AHRR: variants seen among roughly 807,000 people sequenced by gnomAD.
AHRR encodes the protein aryl hydrocarbon receptor repressor, also known as ahR repressor.
Under a neutral mutation model 44.0 loss-of-function variants are expected in AHRR, and 28 were observed. The observed-to-expected ratio is 0.64, with a 90% CI of 0.47 to 0.87. AHRR has a LOEUF of 0.87. Among genes scored for constraint, AHRR ranks in the 40% least tolerant of loss-of-function variants. The pLI, the probability that AHRR is intolerant of heterozygous loss-of-function variation, is 0.00. For synonymous variants in AHRR, 434 were observed against 407.0 expected (o/e 1.07, Z -0.80); for missense variants, 990 against 953.9 (o/e 1.04, Z -0.50).
intron 2 of AHRR, among the ~76,000 whole-genome samples, chr5:345,338 G>GA (rs1210731519): frequency 1.8e-4 from 2 of 11,014 alleles, no homozygotes; most frequent in African/African-American, 3.4e-4. Context: ...GTGTGGGGAT[G>GA]TGTGTGTGTG....
At chr5:376,206 G>C (rs1038186118) in intron 3 of AHRR, among the ~76,000 whole-genome samples, 3 of 140,522 alleles carry the variant, frequency 2.1e-5, no homozygotes, top group African/African-American at 8.9e-5. Context: ...GGGAGGGGCC[G>C]TAGGGACCTC....
rs202003342 is a variant in AHRR, at chr5:376,690, G to A, written c.325G>A (p.Val109Met). ...GDSCPLAGSA[V>M]LEGRLLLESL... is the part of the protein sequence containing the mutation. ...CAGCTGTCCTCTTGCAGGGTCTGCC[G>A]TGCTGGAGGGAAGGCTGCTGTTGGA... Residue 109 changes from valine to methionine, a missense_variant, in exon 4 of 11, where the codon GTG (valine) becomes ATG (methionine). Physicochemically the swap from Val to Met is conservative, Grantham distance 21 (BLOSUM62 1). Coordinates refer to ENST00000684583, the MANE Select transcript of AHRR (RefSeq NM_001377236.1). 242 of 1,609,440 alleles carry A rather than the reference G, an allele frequency of 1.5e-4. No homozygotes were observed. Among genetic ancestry groups the A allele is most frequent in the African/African-American group, 3.2e-4 (24 of 75,006 alleles).
rs751845559 is a variant in AHRR at position 360,846 on chromosome 5, T to A, written c.244+6935T>A. 6.8e-4 allele frequency among the ~76,000 whole-genome samples: 103 copies of A among 152,318 alleles called. 1 individual carries two copies. Among genetic ancestry groups the A allele is most frequent in the African/African-American group, 2.3e-3 (97 of 41,586 alleles). On this transcript the variant is annotated intron_variant, in intron 3 of 10. Coordinates refer to ENST00000684583, the MANE Select transcript of AHRR (RefSeq NM_001377236.1). The stretch of plus-strand genomic sequence containing the variant: ...AAGTGTTGAAACCCTTGCTTCTCCT[T>A]ACTGCTTATAGTGAAACGTCAGAGG...
rs548671108 is a variant in AHRR at position 326,835 on chromosome 5, G to C, written c.-11+5016G>C. ...GCACTTTGGGAGGCTGAGGCAGGCGGATCACTTGAGGTCGGGAGTTCGAGA... is the reference window on the plus strand; with the variant it reads ...GCACTTTGGGAGGCTGAGGCAGGCGCATCACTTGAGGTCGGGAGTTCGAGA... On this transcript the variant is annotated intron_variant, in intron 1 of 10. Transcript: ENST00000684583. This position sits in a 1 kb window ranked among gnomAD's most constrained non-coding sequence, Gnocchi z 4.1. Among the ~76,000 whole-genome samples, 26 of 152,262 alleles carry C rather than the reference G, an allele frequency of 1.7e-4. No individual in the cohort carries two copies. The East Asian group carries it at 5.0e-3, about 29-fold the overall frequency.
intron 5 of AHRR, among the ~76,000 whole-genome samples, chr5:415,394 A>AATCTGCCTG (rs1735699984): frequency 1.1e-4 from 15 of 137,654 alleles, no homozygotes; most frequent in Non-Finnish European, 1.6e-4. Flanking sequence ...CTAGGGGCCG[A>AATCTGCCTG]GTCTGCCTGG....
At chr5:329,779 G>A (rs1391831081) in intron 1 of AHRR, among the ~76,000 whole-genome samples, 2 of 152,100 alleles carry the variant, frequency 1.3e-5, no homozygotes, top group African/African-American at 4.8e-5. Context: ...ATCATTATTG[G>A]TGTAAAGAAA....
chr5:350,938 C>T (rs375538873), intron 2 of AHRR, among the ~76,000 whole-genome samples: 4 of 151,552 alleles, frequency 2.6e-5, no homozygotes, highest in Non-Finnish European at 5.9e-5. Flanking sequence ...TAAAACTGGG[C>T]AAAAGACTTG....
intron 4 of AHRR, chr5:403,874 C>T (rs1386209597): frequency 6.3e-7 from 1 of 1,588,436 alleles, no homozygotes; most frequent in African/African-American, 1.3e-5. Context: ...GCTTTTCCTC[C>T]TTGAACAGCT....
In AHRR at chr5:419,834, A is replaced by T. The variant is rs1215102828; in HGVS notation, c.442-2895A>T. 6.6e-6 allele frequency among the ~76,000 whole-genome samples: 1 copy of T among 152,042 alleles called. No individual in the cohort carries two copies. Among genetic ancestry groups the T allele is most frequent in the Non-Finnish European group, 1.5e-5 (1 of 68,024 alleles). ...AGGTCTCTAATTTAGAAGGGGGAAG[A>T]CCCAGGTTTCTGGGTCTTTGTTTCC... is the stretch of plus-strand genomic sequence containing the variant. On this transcript the variant is annotated intron_variant, in intron 5 of 10. Transcript: ENST00000684583. The surrounding 1 kb of genome is among the most constrained non-coding windows in gnomAD (Gnocchi z 4.4).
At chr5:329,122 GAC>G (rs1007448908) in intron 1 of AHRR, among the ~76,000 whole-genome samples, 3 of 152,124 alleles carry the variant, frequency 2.0e-5, no homozygotes, top group South Asian at 2.1e-4. Flanking sequence ...TTCCTGCGCT[GAC>G]ACACACACCT....
At chr5:363,561 T>G (rs1005375779) in intron 3 of AHRR, among the ~76,000 whole-genome samples, 2 of 152,354 alleles carry the variant, frequency 1.3e-5, no homozygotes, top group Non-Finnish European at 2.9e-5. Flanking sequence ...TGTGCACCTT[T>G]GATCCACTGG....
rs1743513650 is a variant in AHRR at position 370,064 on chromosome 5, A to ATCCTCCCAGGCCCTCGCTGGAAGCCCCG, written c.245-6539_245-6538insAGGCCCTCGCTGGAAGCCCCGTCCTCCC. Among the ~76,000 whole-genome samples, 1 of 136,882 alleles carries ATCCTCCCAGGCCCTCGCTGGAAGCCCCG rather than the reference A, an allele frequency of 7.3e-6. No individual in the cohort carries two copies. The highest frequency in any genetic ancestry group is 7.3e-5 in the Admixed American group (1 of 13,634). The allele number at this position is 136,882 out of a possible 152,430, so 89.8% of individuals were successfully genotyped here. On this transcript the variant is annotated intron_variant, in intron 3 of 10. Transcript: ENST00000684583. This position sits in a 1 kb window ranked among gnomAD's most constrained non-coding sequence, Gnocchi z 4.5. ...CCTCCCGGGCTCTTGCTGGTGCCCC[A>ATCCTCCCAGGCCCTCGCTGGAAGCCCCG]TCCTCCCGGGCCCTCGCTGGAAGCC... is the stretch of plus-strand genomic sequence containing the variant.
intron 3 of AHRR, among the ~76,000 whole-genome samples, chr5:360,887 A>G (rs1743155814): frequency 6.6e-6 from 1 of 152,210 alleles, no homozygotes; most frequent in Non-Finnish European, 1.5e-5. Context: ...GATACATGGA[A>G]GGAATTGCCA....
chr5:343,802 G>T (rs1653148845), intron 1 of AHRR, 91 bp from the exon 2 acceptor site: 13 of 1,372,534 alleles, frequency 9.5e-6, no homozygotes, highest in African/African-American at 4.5e-5. Context: ...GTGTGGGGGC[G>T]CCAGGACCGC....
At chr5:333,912 TG>T (rs1742027156) in intron 1 of AHRR, among the ~76,000 whole-genome samples, 1 of 152,222 alleles carries the variant, frequency 6.6e-6, no homozygotes. Context: ...GTGGGACTAG[TG>T]GTGATGAATT....
chr5:428,407 G>A (rs886840994), intron 8 of AHRR, among the ~76,000 whole-genome samples: 28 of 152,198 alleles, frequency 1.8e-4, no homozygotes, highest in African/African-American at 5.3e-4. Flanking sequence ...AGGACATGCC[G>A]GAGAGATGCG....
intron 4 of AHRR, among the ~76,000 whole-genome samples, chr5:391,508 CCAGAGCGTGCATGGGG>C: frequency 1.4e-5 from 1 of 73,550 alleles, no homozygotes; most frequent in East Asian, 3.7e-4. Context: ...TGAGGCAGGG[CCAGAGCGTGCATGGGG>C]GCAGGGCGAG....
chr5:345,182 A>G (rs965296008), intron 2 of AHRR, among the ~76,000 whole-genome samples: 50 of 870 alleles, frequency 0.057, no homozygotes, highest in Admixed American at 0.089. Flanking sequence ...GTGTGTGGGG[A>G]TGTGTGTGTG....
chr5:407,263 G>A (rs2721008), intron 4 of AHRR, among the ~76,000 whole-genome samples: 30,283 of 152,172 alleles, frequency 0.2, 4,870 homozygotes, highest in African/African-American at 0.45. Flanking sequence ...CTCAGGAGGA[G>A]CAGGCATCTT....
Sources: gnomAD v4.1 joint callset for allele counts (sites outside exome capture counted in the v4.1 genomes callset) on GRCh38, gnomAD v4.1.1 for gene constraint, Gnocchi (gnomAD v3.1) non-coding constraint, MANE v1.5 for transcripts, NCBI Gene and HGNC (gene_info 2026-07-23, HGNC 2026-07-21) for gene names.